Variants in PINX1 observed in about 807,000 individuals in gnomAD.
PINX1 encodes the protein PIN2 (TERF1) interacting telomerase inhibitor 1.
Under a neutral mutation model 25.4 loss-of-function variants are expected in PINX1, and 34 were observed. That is an observed-to-expected ratio of 1.34 (90% CI 1.02 to 1.78). The LOEUF is 1.78. Ranked by LOEUF, PINX1 falls within the 40% of genes most tolerant of loss-of-function variation. The pLI is 0.00. For synonymous variants in PINX1, 197 were observed against 147.7 expected, an observed-to-expected ratio of 1.33 and a Z score of -2.42; for missense variants, 592 against 404.9, an observed-to-expected ratio of 1.46 and a Z score of -3.97.
intron 6 of PINX1, among the ~76,000 whole-genome samples, chr8:10,816,003 C>A (rs12155811): frequency 6.6e-6 from 1 of 152,026 alleles, no homozygotes; most frequent in African/African-American, 2.4e-5. Flanking sequence ...TCTGTACACA[C>A]GATATTCCAC....
chr8:10,793,795 T>C (rs1271682941), intron 6 of PINX1, among the ~76,000 whole-genome samples: 1 of 152,210 alleles, frequency 6.6e-6, no homozygotes, highest in Non-Finnish European at 1.5e-5. Context: ...GCAACATGAA[T>C]ACACTTAATG....
chr8:10,825,262 G>A, intron 5 of PINX1: 2 of 509,826 alleles, frequency 3.9e-6, no homozygotes, highest in Admixed American at 4.0e-5. Flanking sequence ...GCAATGCCCT[G>A]ATACGCATGA....
At chr8:10,775,766 G>A (rs1801372499) in intron 6 of PINX1, among the ~76,000 whole-genome samples, 1 of 152,218 alleles carries the variant, frequency 6.6e-6, no homozygotes, top group Admixed American at 6.5e-5. Flanking sequence ...TCTAGGACAA[G>A]TCACCGGCCT....
intron 6 of PINX1, among the ~76,000 whole-genome samples, chr8:10,801,869 C>T (rs1300787255): frequency 1.3e-5 from 2 of 152,176 alleles, no homozygotes; most frequent in African/African-American, 4.8e-5. Context: ...TCGCTGACCA[C>T]GGGTATCGTC....
At chr8:10,803,016 C>T (rs538559152) in intron 6 of PINX1, among the ~76,000 whole-genome samples, 1 of 152,176 alleles carries the variant, frequency 6.6e-6, no homozygotes, top group South Asian at 2.1e-4. Flanking sequence ...TTCAATGTCA[C>T]ACAAAATTAA....
At chr8:10,826,646 C>G (rs140380605) in intron 4 of PINX1, among the ~76,000 whole-genome samples, 1 of 152,214 alleles carries the variant, frequency 6.6e-6, no homozygotes, top group Non-Finnish European at 1.5e-5. Context: ...CCTGGGCCAT[C>G]CTTACAGTGG....
intron 4 of PINX1, 46 bp downstream of exon 4, chr8:10,831,619 G>T: frequency 8.4e-7 from 1 of 1,185,244 alleles, no homozygotes. Context: ...ACAAAAAGTA[G>T]ATAAACATAT....
At chr8:10,773,790 CA>C (rs1373313691) in intron 6 of PINX1, among the ~76,000 whole-genome samples, 101 of 152,198 alleles carry the variant, frequency 6.6e-4, no homozygotes, top group African/African-American at 2.3e-3. Flanking sequence ...GGATCACTGA[CA>C]AGAGTCATCC....
intron 6 of PINX1, among the ~76,000 whole-genome samples, chr8:10,802,131 G>C (rs921583313): frequency 6.6e-6 from 1 of 152,090 alleles, no homozygotes. Flanking sequence ...GGACGGAAGA[G>C]CAAAGGGAAA....
At chr8:10,770,350 G>C (rs7826189) in intron 6 of PINX1, among the ~76,000 whole-genome samples, 5 of 152,064 alleles carry the variant, frequency 3.3e-5, no homozygotes, top group African/African-American at 1.2e-4. Context: ...TCACTGAGGA[G>C]AAAACAAAGA....
intron 4 of PINX1, among the ~76,000 whole-genome samples, chr8:10,829,466 G>T (rs1798159965): frequency 6.6e-6 from 1 of 152,002 alleles, no homozygotes. Context: ...ATGTTATAAT[G>T]CATTTAGTCC....
At chr8:10,830,586 A>C (rs1798199242) in intron 4 of PINX1, among the ~76,000 whole-genome samples, 1 of 152,268 alleles carries the variant, frequency 6.6e-6, no homozygotes, top group Non-Finnish European at 1.5e-5. Context: ...ACACACAAGG[A>C]ATAGACTGTT....
chr8:10,770,203 T>C (rs1482989093), intron 6 of PINX1, among the ~76,000 whole-genome samples: 1 of 152,198 alleles, frequency 6.6e-6, no homozygotes, highest in African/African-American at 2.4e-5. Flanking sequence ...ACTGCCAATA[T>C]GGAAAGGTGG....
At chr8:10,789,641 C>T (rs1346682557) in intron 6 of PINX1, among the ~76,000 whole-genome samples, 2 of 152,228 alleles carry the variant, frequency 1.3e-5, no homozygotes, top group Non-Finnish European at 2.9e-5. Context: ...CCATAAACAA[C>T]ACATGTCACA....
At chr8:10,810,322 C>T (rs886260579) in intron 6 of PINX1, among the ~76,000 whole-genome samples, 32 of 152,208 alleles carry the variant, frequency 2.1e-4, no homozygotes, top group Non-Finnish European at 1.5e-5. Flanking sequence ...CTGGACCCCA[C>T]TGGCATTTGT....
intron 6 of PINX1, among the ~76,000 whole-genome samples, chr8:10,775,202 A>T (rs1236150770): frequency 1.3e-5 from 2 of 152,154 alleles, no homozygotes; most frequent in African/African-American, 4.8e-5. Context: ...AACAAAAAAT[A>T]TATTGAAAAC....
chr8:10,837,767 G>A (rs1019036742), intron 1 of PINX1, among the ~76,000 whole-genome samples: 7 of 152,140 alleles, frequency 4.6e-5, no homozygotes, highest in African/African-American at 1.7e-4. Flanking sequence ...ACTCTAAAGG[G>A]CGTGTTGAGT....
At chr8:10,802,750 G>C (rs1041354835) in intron 6 of PINX1, among the ~76,000 whole-genome samples, 1 of 152,162 alleles carries the variant, frequency 6.6e-6, no homozygotes, top group Non-Finnish European at 1.5e-5. Context: ...CAGACCTCCA[G>C]GGTGGGGGAT....
intron 6 of PINX1, among the ~76,000 whole-genome samples, chr8:10,800,184 T>A (rs1287194443): frequency 6.6e-6 from 1 of 152,232 alleles, no homozygotes. Flanking sequence ...TGCAGGAATA[T>A]TACCTAACAA....
Sources: allele counts gnomAD v4.1 joint callset (sites outside exome capture counted in the v4.1 genomes callset), GRCh38; gene constraint gnomAD v4.1.1; transcripts MANE v1.5; gene names NCBI Gene and HGNC (gene_info 2026-07-23, HGNC 2026-07-21).